ATAD2: variants seen among roughly 807,000 people sequenced by gnomAD.
ATAD2 encodes the protein ATPase family AAA domain containing 2.
Under a neutral mutation model 168.9 loss-of-function variants are expected in ATAD2, and 62 were observed. The observed-to-expected ratio is 0.37, with a 90% CI of 0.30 to 0.45. The LOEUF is 0.45. Among genes scored for constraint, ATAD2 ranks in the 20% least tolerant of loss-of-function variants. The pLI is 1.00. For synonymous variants in ATAD2, 613 were observed against 571.6 expected, an observed-to-expected ratio of 1.07 and a Z score of -1.03; for missense variants, 1,419 against 1,667.8, an observed-to-expected ratio of 0.85 and a Z score of 2.60.
At chr8:123,355,719 T>C (rs781443676) in intron 13 of ATAD2, among the ~76,000 whole-genome samples, 1 of 152,228 alleles carries the variant, frequency 6.6e-6, no homozygotes, top group Non-Finnish European at 1.5e-5. Flanking sequence ...GGTAAGCTTC[T>C]GCACATCAGT....
intron 26 of ATAD2, among the ~76,000 whole-genome samples, chr8:123,325,291 T>G (rs2131273823): frequency 7.1e-6 from 1 of 141,438 alleles, no homozygotes; most frequent in South Asian, 2.1e-4. Context: ...TATTTATTTA[T>G]TTATTTTTTT....
At chr8:123,344,856 T>C (rs976296266) in intron 19 of ATAD2, 28 bp downstream of exon 19, 3 of 1,606,240 alleles carry the variant, frequency 1.9e-6, no homozygotes, top group Non-Finnish European at 2.6e-6. Context: ...TTTTTGAAAG[T>C]ATAATGATAC....
intron 9 of ATAD2, among the ~76,000 whole-genome samples, chr8:123,361,241 C>T (rs995865053): frequency 6.6e-6 from 1 of 150,890 alleles, no homozygotes; most frequent in Non-Finnish European, 1.5e-5. Flanking sequence ...CGTGTGAACC[C>T]GGGAGGTGGT....
At position 123,393,563 on chromosome 8, in the gene ATAD2, C is replaced by T. The variant is rs542580222; in HGVS notation, c.171+2624G>A. Among the ~76,000 whole-genome samples the T allele has an allele frequency of 2.7e-4, 41 of 151,666 alleles. 1 individual carries two copies. In the South Asian group the frequency reaches 7.7e-3, roughly 29 times the overall value. Reference sequence around the variant, plus strand: ...AACTGACTGTTGAGGGAAGGTGGGGCATAATATATATATCAAACAGTGGAA... The same window carrying T: ...AACTGACTGTTGAGGGAAGGTGGGGTATAATATATATATCAAACAGTGGAA... On this transcript the variant is annotated intron_variant, in intron 1 of 27. Coordinates refer to ENST00000287394, the MANE Select transcript of ATAD2 (RefSeq NM_014109.4).
intron 13 of ATAD2, chr8:123,356,165 A>T (rs1404002479): frequency 4.0e-6 from 1 of 247,234 alleles, no homozygotes; most frequent in Non-Finnish European, 7.8e-6. Context: ...CTTGACCTCA[A>T]GTGATCTGCC....
chr8:123,368,358 CAGTAAGCCAAGA>C, intron 8 of ATAD2, among the ~76,000 whole-genome samples: 1 of 152,146 alleles, frequency 6.6e-6, no homozygotes, highest in South Asian at 2.1e-4. Context: ...GCAGAGGTTG[CAGTAAGCCAAGA>C]TCGTGCCACT....
intron 12 of ATAD2, 59 bp from the exon 13 acceptor site, chr8:123,356,536 A>C (rs1168570391): frequency 9.0e-7 from 1 of 1,112,270 alleles, no homozygotes. Context: ...ACGTAGACTT[A>C]ATATAAACCA....
rs1344441532 is a variant in ATAD2 at position 123,402,937 on chromosome 8, AG to A, written c.-2281-1763del. On this transcript the variant is annotated intron_variant, in intron 1 of 28. Coordinates refer to the ATAD2 transcript ENST00000521903. The surrounding 1 kb of genome is among the most constrained non-coding windows in gnomAD (Gnocchi z 4.8). ...AGGCCTGGAAACTTGGATTTCTTTC[AG>A]GAAGTCTCCTGGTGATTCTTATCCA... 3.9e-5 allele frequency among the ~76,000 whole-genome samples: 6 copies of A among 152,332 alleles called. No homozygotes were observed. The highest frequency in any genetic ancestry group is 1.4e-4 in the African/African-American group (6 of 41,566).
intron 19 of ATAD2, among the ~76,000 whole-genome samples, chr8:123,340,977 C>G (rs1055413356): frequency 6.6e-6 from 1 of 151,130 alleles, no homozygotes; most frequent in African/African-American, 2.4e-5. Flanking sequence ...GGGTCTCACT[C>G]TGTCACCTAG....
chr8:123,375,154 C>T (rs886450227), intron 2 of ATAD2, among the ~76,000 whole-genome samples: 1 of 152,192 alleles, frequency 6.6e-6, no homozygotes, highest in Non-Finnish European at 1.5e-5. Context: ...CAAACAGACA[C>T]TGATGTTACC....
At position 123,369,179 on chromosome 8, in the gene ATAD2, A is replaced by C; in HGVS notation, c.932-4T>G. The stretch of plus-strand genomic sequence containing the variant: ...GGCTTTCTCTGGTGACGAGGTTCTA[A>C]AAAAAAGAAATATATATATATATTT... On this transcript the variant is annotated splice_polypyrimidine_tract_variant and splice_region_variant and intron_variant, in intron 7 of 27. Coordinates refer to ENST00000287394, the MANE Select transcript of ATAD2 (RefSeq NM_014109.4). The C allele has an allele frequency of 1.5e-6, 2 of 1,318,418 alleles. No individual in the cohort carries two copies. Among genetic ancestry groups the C allele is most frequent in the Non-Finnish European group, 2.1e-6 (2 of 968,718 alleles). 81.7% of individuals were successfully genotyped at this position (1,318,418 alleles called of 1,614,324 possible). A position where few individuals can be genotyped will look rare whatever the true frequency, so the allele number is the denominator to read the frequency against.
chr8:123,414,092 C>CAAAAA (rs57662854), intron 1 of ATAD2, among the ~76,000 whole-genome samples: 2 of 40,590 alleles, frequency 4.9e-5, no homozygotes, highest in African/African-American at 2.2e-4. Context: ...ACTCTTATCT[C>CAAAAA]AAAAAAAAAA....
chr8:123,399,131 G>A (rs1449576657), upstream of ATAD2, among the ~76,000 whole-genome samples: 2 of 152,000 alleles, frequency 1.3e-5, no homozygotes, highest in Non-Finnish European at 1.5e-5. Context: ...GCGTGGTGGT[G>A]CACGCCTGTA....
chr8:123,371,127 G>T (rs1012908682), intron 5 of ATAD2, 109 bp downstream of exon 5: 3 of 1,098,196 alleles, frequency 2.7e-6, no homozygotes, highest in Non-Finnish European at 2.6e-6. Flanking sequence ...ACTAATGACT[G>T]ATCAAATAAA....
Position 123,322,967 on chromosome 8 carries a change from T to G in ATAD2, c.4102A>C (p.Lys1368Gln). 1 of 1,613,932 alleles carries G rather than the reference T, an allele frequency of 6.2e-7. No homozygotes were observed. The highest frequency in any genetic ancestry group is 8.5e-7 in the Non-Finnish European group (1 of 1,179,912). Residue 1368 changes from lysine to glutamine, a missense_variant, in exon 27 of 28, where the codon AAG becomes CAG. Physicochemically the swap from Lys to Gln is moderately conservative, Grantham distance 53. Coordinates refer to ENST00000287394, the MANE Select transcript of ATAD2 (RefSeq NM_014109.4). ...VISQCIYRHR[K>Q]DHDKTSLIQK... ...ATAAGTGATGTTTTATCATGGTCCT[T>G]GCGATGCCGATAAATACATTGGCTG... is the stretch of plus-strand genomic sequence containing the variant.
rs1226659371 is a variant in ATAD2, at chr8:123,402,012, T to C, written c.-2281-837A>G. On this transcript the variant is annotated intron_variant, in intron 1 of 28. Transcript: ENST00000521903. The surrounding 1 kb of genome is among the most constrained non-coding windows in gnomAD (Gnocchi z 4.8). Reference sequence around the variant, plus strand: ...AGCCTGTCTGTCCTTTGGTCCATGATGTACTCAGGAGAGCTCAAGTTTGAG... The same window carrying C: ...AGCCTGTCTGTCCTTTGGTCCATGACGTACTCAGGAGAGCTCAAGTTTGAG... 4.1e-6 allele frequency: 6 copies of C among 1,462,272 alleles called. No individual in the cohort carries two copies. The Middle Eastern group carries it at 6.5e-4, about 159-fold the overall frequency. The allele number at this position is 1,462,272 out of a possible 1,614,324, so 90.6% of individuals were successfully genotyped here.
At chr8:123,405,886 G>A (rs934430059) in intron 1 of ATAD2, among the ~76,000 whole-genome samples, 19 of 152,290 alleles carry the variant, frequency 1.2e-4, no homozygotes, top group African/African-American at 4.6e-4. Context: ...CATTGTATCT[G>A]TAGAATAAAT....
rs34016670 is a variant in ATAD2 at position 123,336,447 on chromosome 8, A to G, written c.3137T>C (p.Val1046Ala). 1.0e-3 allele frequency: 1,594 copies of G among 1,581,930 alleles called. 10 individuals carry two copies. The African/African-American group carries it at 0.02, about 19-fold the overall frequency. Residue 1046 changes from valine (V) to alanine (A), a missense_variant, in exon 22 of 28, where the codon GTG becomes GCG. This residue lies in a region of ATAD2 where 545 missense variants were observed against 724.9 expected (regional missense o/e 0.75). Transcript: ENST00000287394. ...SKIDLHKYLTVKDYLRDIDLI... is the reference protein window; with the variant it reads ...SKIDLHKYLTAKDYLRDIDLI... ...ATCAATATCTCTCAAATAGTCTTTC[A>G]CAGTCAGATACTTGTGTAGATCAAT...
intron 22 of ATAD2, among the ~76,000 whole-genome samples, chr8:123,335,287 T>C (rs1298273002): frequency 1.3e-5 from 2 of 152,332 alleles, no homozygotes; most frequent in Non-Finnish European, 2.9e-5. Flanking sequence ...TACAATGGAC[T>C]GTTCTCATCT....
Sources: allele counts gnomAD v4.1 joint callset (sites outside exome capture counted in the v4.1 genomes callset), GRCh38; gene constraint gnomAD v4.1.1; regional missense constraint gnomAD v4.1.1; non-coding constraint Gnocchi (gnomAD v3.1); transcripts MANE v1.5; gene names NCBI Gene and HGNC (gene_info 2026-07-23, HGNC 2026-07-21).